Variants in MAD1L1 observed in about 807,000 individuals in gnomAD.
The protein encoded by MAD1L1 is mitotic arrest deficient 1 like 1.
A neutral mutation model predicts 96.9 loss-of-function variants in MAD1L1; 95 were observed. That is an observed-to-expected ratio of 0.98 (90% CI 0.83 to 1.16). MAD1L1 has a LOEUF of 1.16. Ranked by LOEUF, MAD1L1 falls within the 50% of genes most tolerant of loss-of-function variation. The probability of loss-of-function intolerance (pLI) is 0.00; values close to 1 mark genes in which losing one functional copy is unlikely to be tolerated. For synonymous variants in MAD1L1, 473 were observed against 396.6 expected, an observed-to-expected ratio of 1.19 and a Z score of -2.29; for missense variants, 1,007 against 954.4, an observed-to-expected ratio of 1.06 and a Z score of -0.73.
intron 10 of MAD1L1, among the ~76,000 whole-genome samples, chr7:2,198,137 A>G (rs371705466): frequency 6.6e-6 from 1 of 151,918 alleles, no homozygotes; most frequent in Admixed American, 6.6e-5. Flanking sequence ...ATTTTTAAAA[A>G]TAGAGATAGG....
At chr7:2,201,422 C>T (rs151135250) in intron 10 of MAD1L1, among the ~76,000 whole-genome samples, 2,952 of 152,224 alleles carry the variant, frequency 0.019, 34 homozygotes, top group Non-Finnish European at 0.03. Flanking sequence ...GAGCCCCTAG[C>T]CCACAAGGAG....
chr7:2,096,697 C>CATGT (rs919492259), intron 11 of MAD1L1, among the ~76,000 whole-genome samples: 2 of 152,186 alleles, frequency 1.3e-5, no homozygotes, highest in Non-Finnish European at 2.9e-5. Flanking sequence ...AACCTTCCTG[C>CATGT]ATGTGTCTCA....
chr7:2,074,849 C>T (rs978151445), intron 11 of MAD1L1, among the ~76,000 whole-genome samples: 20 of 151,318 alleles, frequency 1.3e-4, no homozygotes, highest in African/African-American at 4.4e-4. Context: ...GGGGGGCCCT[C>T]GGGGAGGGGT....
intron 11 of MAD1L1, among the ~76,000 whole-genome samples, chr7:2,122,032 G>C (rs1788006628): frequency 6.6e-6 from 1 of 152,238 alleles, no homozygotes; most frequent in South Asian, 2.1e-4. Flanking sequence ...GGGGAGACTG[G>C]AGGGACAGAG....
At chr7:1,842,973 T>C (rs2128633858) in intron 18 of MAD1L1, among the ~76,000 whole-genome samples, 1 of 152,300 alleles carries the variant, frequency 6.6e-6, no homozygotes. Flanking sequence ...AGCCTTCAAG[T>C]GAGGCCCACA....
Position 2,142,515 on chromosome 7 carries a change from G to A in MAD1L1, c.1073+6637C>T, listed in dbSNP as rs1457644536. ...CAGATCACGCGGGTTCTCTGCTGCC[G>A]GACGGAGCGCCCCTAGCTGCCACTG... On this transcript the variant is annotated intron_variant, in intron 11 of 18. Coordinates refer to ENST00000265854, the MANE Select transcript of MAD1L1 (RefSeq NM_001013836.2). The surrounding 1 kb of genome is among the most constrained non-coding windows in gnomAD (Gnocchi z 4.7). Among the ~76,000 whole-genome samples, 1 of 152,150 alleles carries A rather than the reference G, an allele frequency of 6.6e-6. No homozygotes were observed.
At chr7:1,856,173 TC>T (rs780757341) in intron 18 of MAD1L1, among the ~76,000 whole-genome samples, 13 of 152,338 alleles carry the variant, frequency 8.5e-5, no homozygotes, top group Non-Finnish European at 1.3e-4. Flanking sequence ...CCCCGCGCCC[TC>T]CTGCTTCTGA....
chr7:2,037,145 G>C (rs1313294479), intron 12 of MAD1L1, among the ~76,000 whole-genome samples: 1 of 151,968 alleles, frequency 6.6e-6, no homozygotes, highest in Non-Finnish European at 1.5e-5. Flanking sequence ...GATCTCACCG[G>C]TTCCAGTGCC....
chr7:2,150,567 C>T (rs1789524630), intron 10 of MAD1L1, among the ~76,000 whole-genome samples: 1 of 152,206 alleles, frequency 6.6e-6, no homozygotes, highest in Non-Finnish European at 1.5e-5. Context: ...CTGGCCACCC[C>T]CACGCCCCTC....
chr7:1,999,390 G>C (rs761402648), intron 14 of MAD1L1, among the ~76,000 whole-genome samples: 1 of 152,150 alleles, frequency 6.6e-6, no homozygotes, highest in Non-Finnish European at 1.5e-5. Flanking sequence ...TGAGCAAAGC[G>C]TCACATCTCC....
intron 18 of MAD1L1, chr7:1,848,045 G>C (rs372176338): frequency 8.9e-6 from 3 of 338,544 alleles, no homozygotes; most frequent in African/African-American, 4.3e-5. Flanking sequence ...GAGTCCCAGC[G>C]TGGGATGTGG....
intron 17 of MAD1L1, among the ~76,000 whole-genome samples, chr7:1,899,646 C>A (rs184448847): frequency 2.0e-5 from 3 of 152,274 alleles, no homozygotes; most frequent in East Asian, 1.9e-4. Context: ...AGAGATGAGT[C>A]TGAAGGCCCC....
intron 3 of MAD1L1, among the ~76,000 whole-genome samples, chr7:2,226,697 T>A (rs1228546205): frequency 2.6e-5 from 4 of 152,214 alleles, no homozygotes; most frequent in Non-Finnish European, 5.9e-5. Context: ...TCAGTCAGAA[T>A]CTTCTCTTTA....
At chr7:1,964,573 A>T (rs1780082172) in intron 15 of MAD1L1, among the ~76,000 whole-genome samples, 1 of 152,210 alleles carries the variant, frequency 6.6e-6, no homozygotes, top group Non-Finnish European at 1.5e-5. Context: ...TTTGCCTTCA[A>T]ATGGCTCAAA....
chr7:1,988,628 C>A (rs1781267321), intron 14 of MAD1L1, among the ~76,000 whole-genome samples: 1 of 152,208 alleles, frequency 6.6e-6, no homozygotes, highest in African/African-American at 2.4e-5. Context: ...CTCTGGAGGA[C>A]CCGGCCGCGC....
intron 10 of MAD1L1, among the ~76,000 whole-genome samples, chr7:2,192,481 T>C (rs2128607355): frequency 6.6e-6 from 1 of 152,270 alleles, no homozygotes; most frequent in African/African-American, 2.4e-5. Context: ...GCTATGATCG[T>C]GCATGCTCCT....
At chr7:2,185,421 G>A (rs1791412126) in intron 10 of MAD1L1, among the ~76,000 whole-genome samples, 1 of 152,216 alleles carries the variant, frequency 6.6e-6, no homozygotes, top group South Asian at 2.1e-4. Context: ...GACGGAGGCA[G>A]TGATGACACA....
chr7:1,881,328 T>C (rs1785668584), intron 18 of MAD1L1, among the ~76,000 whole-genome samples: 1 of 152,214 alleles, frequency 6.6e-6, no homozygotes, highest in Non-Finnish European at 1.5e-5. Context: ...TTCAAGGTCA[T>C]CGCCAAGGTC....
intron 11 of MAD1L1, among the ~76,000 whole-genome samples, chr7:2,129,166 G>A (rs1788385913): frequency 6.6e-6 from 1 of 152,168 alleles, no homozygotes; most frequent in African/African-American, 2.4e-5. Flanking sequence ...TGAGGGGCCC[G>A]CAGGATCCCG....
Sources: allele counts gnomAD v4.1 joint callset (sites outside exome capture counted in the v4.1 genomes callset), GRCh38; gene constraint gnomAD v4.1.1; non-coding constraint Gnocchi (gnomAD v3.1); transcripts MANE v1.5; gene names NCBI Gene and HGNC (gene_info 2026-07-23, HGNC 2026-07-21).